The following GRM1 variants were observed in gnomAD, a reference collection of about 807,000 sequenced individuals.
GRM1 encodes the protein glutamate metabotropic receptor 1.
Under a neutral mutation model 90.9 loss-of-function variants are expected in GRM1, and 33 were observed. That is an observed-to-expected ratio of 0.36 (90% CI 0.28 to 0.49). The LOEUF is 0.49. GRM1 is among the 20% of genes least tolerant of loss of function. The probability of loss-of-function intolerance (pLI) is 0.99; values close to 1 mark genes in which losing one functional copy is unlikely to be tolerated. For missense variants in GRM1, 1,190 were observed against 1,534.3 expected (o/e 0.78, Z 3.75); for synonymous variants, 700 against 613.2 (o/e 1.14, Z -2.09).
intron 2 of GRM1, among the ~76,000 whole-genome samples, chr6:146,203,986 T>C (rs1779408564): frequency 6.6e-6 from 1 of 152,242 alleles, no homozygotes; most frequent in Non-Finnish European, 1.5e-5. Flanking sequence ...TTTATAAGAA[T>C]AAATTCACTT....
At chr6:146,328,082 C>T (rs1442542889) in intron 3 of GRM1, among the ~76,000 whole-genome samples, 1 of 152,116 alleles carries the variant, frequency 6.6e-6, no homozygotes, top group Admixed American at 6.5e-5. Context: ...AACATATTTT[C>T]TTTAGCCACA....
At chr6:146,031,193 G>A (rs1344431884) in intron 1 of GRM1, among the ~76,000 whole-genome samples, 1 of 152,048 alleles carries the variant, frequency 6.6e-6, no homozygotes, top group African/African-American at 2.4e-5. Context: ...TTTAATAAAA[G>A]GGGATTTCTG....
At chr6:146,111,304 G>A (rs942418702) in intron 1 of GRM1, among the ~76,000 whole-genome samples, 5 of 152,260 alleles carry the variant, frequency 3.3e-5, no homozygotes, top group African/African-American at 4.8e-5. Context: ...CAGCTTTCAC[G>A]ACCATGGGTC....
chr6:146,222,968 A>G (rs2114681085), intron 2 of GRM1, among the ~76,000 whole-genome samples: 1 of 152,078 alleles, frequency 6.6e-6, no homozygotes, highest in South Asian at 2.1e-4. Flanking sequence ...TGAATCTAGT[A>G]CAATATTAGA....
chr6:146,396,107 C>CTATCTATCATCTA (rs1776924135), intron 6 of GRM1, among the ~76,000 whole-genome samples: 1 of 34,660 alleles, frequency 2.9e-5, no homozygotes, highest in African/African-American at 7.5e-5. Context: ...TATCTATCGT[C>CTATCTATCATCTA]TATATATATA....
At chr6:146,298,435 T>C (rs1287328311) in intron 2 of GRM1, among the ~76,000 whole-genome samples, 1 of 152,196 alleles carries the variant, frequency 6.6e-6, no homozygotes, top group Admixed American at 6.5e-5. Context: ...ATGAGTTCAC[T>C]ATGGGACCTA....
rs528023208 is a variant in GRM1, at chr6:146,418,661, C to G, written c.2661-15211C>G. Reference sequence around the variant, plus strand: ...TAATAAAAATAATTGCTTTTGCTATCCCTTCAATTAGCAAAGTAATAGAGA... The same window carrying G: ...TAATAAAAATAATTGCTTTTGCTATGCCTTCAATTAGCAAAGTAATAGAGA... On this transcript the variant is annotated intron_variant, in intron 7 of 7. Coordinates refer to ENST00000282753, the MANE Select transcript of GRM1 (RefSeq NM_001278064.2). 2.2e-3 allele frequency among the ~76,000 whole-genome samples: 330 copies of G among 151,702 alleles called. 2 individuals are homozygous for G. The highest frequency in any genetic ancestry group is 7.7e-3 in the African/African-American group (320 of 41,450).
At chr6:146,061,469 G>A (rs564708713) in intron 1 of GRM1, among the ~76,000 whole-genome samples, 12 of 152,134 alleles carry the variant, frequency 7.9e-5, no homozygotes, top group Admixed American at 7.2e-4. Flanking sequence ...TGACAAATGG[G>A]ACCCAATTAA....
intron 1 of GRM1, among the ~76,000 whole-genome samples, chr6:146,032,478 G>C (rs1013952887): frequency 1.6e-4 from 25 of 152,072 alleles, no homozygotes; most frequent in Admixed American, 5.9e-4. Flanking sequence ...TTTTCCTGAG[G>C]TTTTGCCCTC....
At chr6:146,252,473 A>T (rs1245632879) in intron 2 of GRM1, among the ~76,000 whole-genome samples, 4 of 152,044 alleles carry the variant, frequency 2.6e-5, no homozygotes, top group Non-Finnish European at 5.9e-5. Context: ...CTCTATCTCT[A>T]CTAAAAATAG....
chr6:146,342,682 C>T (rs1056505228), intron 3 of GRM1, among the ~76,000 whole-genome samples: 17 of 152,326 alleles, frequency 1.1e-4, no homozygotes, highest in African/African-American at 3.8e-4. Context: ...ACATGTAAAG[C>T]ACCTAATGGA....
At chr6:146,350,441 A>G (rs946296444) in intron 3 of GRM1, among the ~76,000 whole-genome samples, 1 of 149,694 alleles carries the variant, frequency 6.7e-6, no homozygotes, top group African/African-American at 2.5e-5. Context: ...TGCTGTCTTC[A>G]AGGTTATTTT....
At chr6:146,088,657 T>C (rs1186916186) in intron 1 of GRM1, among the ~76,000 whole-genome samples, 1 of 152,080 alleles carries the variant, frequency 6.6e-6, no homozygotes, top group East Asian at 1.9e-4. Context: ...AACACCATGA[T>C]CTAAAAATTT....
intron 5 of GRM1, among the ~76,000 whole-genome samples, chr6:146,372,779 G>T (rs1261091420): frequency 6.6e-6 from 1 of 152,030 alleles, no homozygotes; most frequent in African/African-American, 2.4e-5. Flanking sequence ...CAGGTGTGTG[G>T]ATTTGTTCCT....
At chr6:146,115,975 T>C (rs1028208415) in intron 1 of GRM1, among the ~76,000 whole-genome samples, 12 of 152,146 alleles carry the variant, frequency 7.9e-5, no homozygotes, top group African/African-American at 2.4e-4. Context: ...ATTTGTTTCA[T>C]TTAAAATATT....
At chr6:146,174,620 A>C (rs1778265624) in intron 2 of GRM1, among the ~76,000 whole-genome samples, 1 of 152,192 alleles carries the variant, frequency 6.6e-6, no homozygotes, top group South Asian at 2.1e-4. Flanking sequence ...TCACTTAATT[A>C]AGCTTATAAT....
chr6:146,205,239 C>T (rs1373751939), intron 2 of GRM1, among the ~76,000 whole-genome samples: 1 of 152,120 alleles, frequency 6.6e-6, no homozygotes, highest in Non-Finnish European at 1.5e-5. Context: ...CCTTTTTCCA[C>T]AAAGCTAATT....
chr6:146,067,719 T>C (rs1039261396), intron 1 of GRM1, among the ~76,000 whole-genome samples: 1 of 152,104 alleles, frequency 6.6e-6, no homozygotes, highest in Non-Finnish European at 1.5e-5. Context: ...AAAAGCCTTC[T>C]TACATTCTTA....
At chr6:146,407,147 C>T (rs529212636) in intron 7 of GRM1, among the ~76,000 whole-genome samples, 2 of 152,250 alleles carry the variant, frequency 1.3e-5, no homozygotes, top group South Asian at 2.1e-4. Context: ...TTAGAACGAA[C>T]GTAGCTTAGT....
Sources: gnomAD v4.1 joint callset for allele counts (sites outside exome capture counted in the v4.1 genomes callset) on GRCh38, gnomAD v4.1.1 for gene constraint, MANE v1.5 for transcripts, NCBI Gene and HGNC (gene_info 2026-07-23, HGNC 2026-07-21) for gene names.